NTM: variants seen among roughly 807,000 people sequenced by gnomAD.
NTM encodes the protein neurotrimin.
In NTM, 13 loss-of-function variants were observed where a neutral mutation model predicts 42.1. That is an observed-to-expected ratio of 0.31 (90% confidence interval 0.20 to 0.49). The LOEUF is 0.49. NTM is among the 20% of genes least tolerant of loss of function. The pLI is 0.99. For missense variants in NTM, 373 were observed against 452.8 expected (o/e 0.82, Z 1.60); for synonymous variants, 187 against 179.2 (o/e 1.04, Z -0.35).
At chr11:131,568,106 C>T (rs964917721) in intron 1 of NTM, among the ~76,000 whole-genome samples, 12 of 152,208 alleles carry the variant, frequency 7.9e-5, no homozygotes, top group South Asian at 2.1e-4. Context: ...GGAAAATTCT[C>T]TCTGTTTCAG....
intron 1 of NTM, among the ~76,000 whole-genome samples, chr11:131,885,682 C>A (rs1049963279): frequency 1.3e-5 from 2 of 152,164 alleles, no homozygotes; most frequent in African/African-American, 4.8e-5. Context: ...ATTGCATTAT[C>A]AGCCACCACA....
rs547815407 is a variant in NTM at position 131,410,258 on chromosome 11, A to G, written c.82+39370A>G. On this transcript the variant is annotated intron_variant, in intron 1 of 8. Coordinates refer to ENST00000683400, the MANE Select transcript of NTM (RefSeq NM_001352005.2). ...TTCTCCGAGGTAAGTGGATTGCTTGAGGCAAGGAGTTCAAGACCAGCCTGG... is the reference window on the plus strand; with the variant it reads ...TTCTCCGAGGTAAGTGGATTGCTTGGGGCAAGGAGTTCAAGACCAGCCTGG... Among the ~76,000 whole-genome samples, 14 of 152,180 alleles carry G rather than the reference A, an allele frequency of 9.2e-5. No homozygotes were observed. In the East Asian group the frequency reaches 2.7e-3, roughly 29 times the overall value.
At chr11:131,945,077 A>T (rs2060203494) in intron 2 of NTM, among the ~76,000 whole-genome samples, 1 of 151,972 alleles carries the variant, frequency 6.6e-6, no homozygotes, top group African/African-American at 2.4e-5. Flanking sequence ...TTCCCCTTTC[A>T]CCAAGCACAA....
At chr11:131,990,714 A>G (rs1226973036) in intron 2 of NTM, among the ~76,000 whole-genome samples, 1 of 152,188 alleles carries the variant, frequency 6.6e-6, no homozygotes, top group Non-Finnish European at 1.5e-5. Flanking sequence ...GATTTCAGAT[A>G]CACAGTTTTT....
intron 2 of NTM, among the ~76,000 whole-genome samples, chr11:132,104,937 G>GTGTGTGTGTA (rs1169190929): frequency 8.1e-5 from 5 of 61,822 alleles, no homozygotes; most frequent in African/African-American, 3.0e-4. Context: ...ATATACATAT[G>GTGTGTGTGTA]TATATATATA....
chr11:131,975,313 A>G (rs978804608), intron 2 of NTM, among the ~76,000 whole-genome samples: 11 of 152,014 alleles, frequency 7.2e-5, no homozygotes, highest in Non-Finnish European at 1.3e-4. Flanking sequence ...CCCAAGTAAC[A>G]GGACTACAGG....
chr11:131,667,409 C>T (rs905867528), intron 1 of NTM, among the ~76,000 whole-genome samples: 2 of 152,152 alleles, frequency 1.3e-5, no homozygotes, highest in Non-Finnish European at 2.9e-5. Context: ...TTCCTGATCC[C>T]CAGGCTGGGT....
chr11:132,128,654 C>A (rs994667662), intron 2 of NTM, among the ~76,000 whole-genome samples: 2 of 151,918 alleles, frequency 1.3e-5, no homozygotes, highest in Non-Finnish European at 1.5e-5. Context: ...GTGGCTCACA[C>A]CTGTAATCCC....
At chr11:131,969,504 T>C (rs889233571) in intron 2 of NTM, among the ~76,000 whole-genome samples, 3 of 152,238 alleles carry the variant, frequency 2.0e-5, no homozygotes, top group African/African-American at 7.2e-5. Context: ...CAGGCTCCTT[T>C]AATCTGTTGG....
rs144244536 is a variant in NTM, at chr11:131,556,306, A to G, written c.82+185418A>G. Among the ~76,000 whole-genome samples the G allele has an allele frequency of 2.0e-5, 3 of 152,318 alleles. No individual in the cohort carries two copies. In the East Asian group the frequency reaches 5.8e-4, roughly 29 times the overall value. ...AAACAGAGGGAAGCAGGTAGACAGA[A>G]TATTGTCAAGAGTGTACATTTAGAA... On this transcript the variant is annotated intron_variant, in intron 1 of 8. Transcript: ENST00000683400.
intron 1 of NTM, among the ~76,000 whole-genome samples, chr11:131,451,873 G>A (rs1309708913): frequency 6.6e-6 from 1 of 152,168 alleles, no homozygotes; most frequent in Non-Finnish European, 1.5e-5. Context: ...TGGGCTACCA[G>A]GGCATGAAGG....
chr11:132,189,556 A>T (rs910382950), intron 3 of NTM, among the ~76,000 whole-genome samples: 1 of 152,160 alleles, frequency 6.6e-6, no homozygotes, highest in Non-Finnish European at 1.5e-5. Context: ...TCTCCAAAGC[A>T]TGTTGACACT....
At chr11:132,021,096 A>T (rs576864654) in intron 2 of NTM, among the ~76,000 whole-genome samples, 1 of 151,766 alleles carries the variant, frequency 6.6e-6, no homozygotes, top group South Asian at 2.1e-4. Context: ...CAACTGGGTA[A>T]TTTATATGGA....
At chr11:131,990,101 T>G (rs1000173062) in intron 2 of NTM, among the ~76,000 whole-genome samples, 2 of 152,120 alleles carry the variant, frequency 1.3e-5, no homozygotes, top group African/African-American at 4.8e-5. Context: ...AACCTGTACA[T>G]TTGGCAGAAT....
At chr11:131,849,547 C>T (rs1480892634) in intron 1 of NTM, among the ~76,000 whole-genome samples, 1 of 152,112 alleles carries the variant, frequency 6.6e-6, no homozygotes, top group Non-Finnish European at 1.5e-5. Context: ...GATCCGCCCC[C>T]ATGATCCACA....
chr11:131,532,011 A>G (rs2051349712), intron 1 of NTM, among the ~76,000 whole-genome samples: 1 of 152,150 alleles, frequency 6.6e-6, no homozygotes, highest in Non-Finnish European at 1.5e-5. Flanking sequence ...GCCTTCATGT[A>G]TGTGTGTTGC....
chr11:131,698,526 A>G lies in NTM; in HGVS notation c.83-213038A>G, dbSNP rs543413404. Reference sequence around the variant, plus strand: ...CAGATGCTGTAATTATTCCCATTTTACAGATGAGGGAATTGTGATTTCCTT... The same window carrying G: ...CAGATGCTGTAATTATTCCCATTTTGCAGATGAGGGAATTGTGATTTCCTT... On this transcript the variant is annotated intron_variant, in intron 1 of 8. Transcript: ENST00000683400. Among the ~76,000 whole-genome samples, 4 of 152,276 alleles carry G rather than the reference A, an allele frequency of 2.6e-5. No individual in the cohort carries two copies. The East Asian group carries it at 5.8e-4, about 22-fold the overall frequency.
In NTM at chr11:131,971,456, GTTAA is replaced by G. The variant is rs2063518238; in HGVS notation, c.167+59812_167+59815del. ...AAAAAATGCTTGGTATATTCAAGATGTTAATTACTTCTCAGTTGCAGATATTGAA... is the reference window on the plus strand; with the variant it reads ...AAAAAATGCTTGGTATATTCAAGATGTTACTTCTCAGTTGCAGATATTGAA... On this transcript the variant is annotated intron_variant, in intron 2 of 8. Transcript: ENST00000683400. 2.0e-5 allele frequency among the ~76,000 whole-genome samples: 3 copies of G among 152,104 alleles called. 1 individual carries two copies. Among genetic ancestry groups the G allele is most frequent in the Admixed American group, 2.0e-4 (3 of 15,272 alleles).
At chr11:131,978,767 T>C (rs1400474909) in intron 2 of NTM, among the ~76,000 whole-genome samples, 2 of 152,222 alleles carry the variant, frequency 1.3e-5, no homozygotes, top group Non-Finnish European at 2.9e-5. Context: ...AACCCAGAGT[T>C]TGGAGAATTA....
Sources: allele counts gnomAD v4.1 joint callset (sites outside exome capture counted in the v4.1 genomes callset), GRCh38; gene constraint gnomAD v4.1.1; transcripts MANE v1.5; gene names NCBI Gene and HGNC (gene_info 2026-07-23, HGNC 2026-07-21).